Variants in LGR6 observed in about 807,000 individuals in gnomAD.
LGR6 encodes leucine rich repeat containing G protein-coupled receptor 6.
LGR6 carries 45 observed loss-of-function variants against 69.4 expected under a neutral mutation model. The ratio of observed to expected loss-of-function variants is 0.65; its 90% confidence interval spans 0.51 to 0.83. The LOEUF is 0.83. LGR6 is among the 40% of genes least tolerant of loss of function. The probability of loss-of-function intolerance (pLI) is 0.00; values close to 1 mark genes in which losing one functional copy is unlikely to be tolerated. For synonymous variants in LGR6, 538 were observed against 555.0 expected (o/e 0.97, Z 0.43); for missense variants, 1,108 against 1,246.7 (o/e 0.89, Z 1.68).
chr1:202,211,212 G>T (rs752116130), intron 1 of LGR6, among the ~76,000 whole-genome samples: 5 of 152,152 alleles, frequency 3.3e-5, no homozygotes, highest in Non-Finnish European at 7.3e-5. Flanking sequence ...AAAGTGCTGG[G>T]GATACACAGA....
At chr1:202,264,628 C>T (rs948382482) in intron 4 of LGR6, among the ~76,000 whole-genome samples, 9 of 152,152 alleles carry the variant, frequency 5.9e-5, no homozygotes, top group Admixed American at 1.3e-4. Context: ...CCCCAGGATT[C>T]CGGGATTGTC....
chr1:202,317,308 G>C (rs548974761), intron 17 of LGR6, among the ~76,000 whole-genome samples: 1 of 151,366 alleles, frequency 6.6e-6, no homozygotes, highest in South Asian at 2.1e-4. Flanking sequence ...GGTTTGTACT[G>C]TATTAATTTG....
chr1:202,231,683 C>T lies in LGR6; in HGVS notation c.356+3676C>T, dbSNP rs576731144. On this transcript the variant is annotated intron_variant, in intron 3 of 17. Coordinates refer to ENST00000367278, the MANE Select transcript of LGR6 (RefSeq NM_001017403.2). ...AAACAGATTCTTTGTAGTTCATACACATGATGATCGGTGTTCACACTCATA... is the reference window on the plus strand; with the variant it reads ...AAACAGATTCTTTGTAGTTCATACATATGATGATCGGTGTTCACACTCATA... 9.3e-4 allele frequency among the ~76,000 whole-genome samples: 142 copies of T among 152,360 alleles called. 1 individual carries two copies. The highest frequency in any genetic ancestry group is 2.8e-3 in the African/African-American group (116 of 41,584).
At chr1:202,315,410 C>A (rs1039398721) in intron 17 of LGR6, among the ~76,000 whole-genome samples, 2 of 152,196 alleles carry the variant, frequency 1.3e-5, no homozygotes, top group Non-Finnish European at 2.9e-5. Context: ...CTTATAGTTG[C>A]GGAAGCCTCC....
intron 1 of LGR6, among the ~76,000 whole-genome samples, chr1:202,198,473 T>A (rs1658718631): frequency 6.6e-6 from 1 of 152,084 alleles, no homozygotes; most frequent in Admixed American, 6.5e-5. Context: ...GTTATTAGGG[T>A]GACCAGGGCC....
At chr1:202,244,805 C>T (rs1297193533) in intron 4 of LGR6, among the ~76,000 whole-genome samples, 1 of 152,118 alleles carries the variant, frequency 6.6e-6, no homozygotes, top group Non-Finnish European at 1.5e-5. Flanking sequence ...GGGCCTGGAC[C>T]CTGTGAGAGA....
In LGR6 at chr1:202,316,885, G is replaced by C. The variant is rs148890151; in HGVS notation, c.1649-1067G>C. Among the ~76,000 whole-genome samples the C allele has an allele frequency of 1.7e-3, 262 of 152,286 alleles. 1 individual carries two copies. The highest frequency in any genetic ancestry group is 2.6e-3 in the Non-Finnish European group (174 of 68,020). On this transcript the variant is annotated intron_variant, in intron 17 of 17. Coordinates refer to ENST00000367278, the MANE Select transcript of LGR6 (RefSeq NM_001017403.2). ...AGGTGATTTAGGAACAGACTTTGGA[G>C]AGAGGGATGGAAAACACCAGGATCT...
intron 5 of LGR6, among the ~76,000 whole-genome samples, chr1:202,279,643 T>C (rs1481871738): frequency 1.3e-5 from 2 of 152,248 alleles, no homozygotes. Flanking sequence ...TTTGAATACA[T>C]CTTCAGTCTC....
At chr1:202,288,322 C>T (rs788642) in intron 6 of LGR6, among the ~76,000 whole-genome samples, 73,508 of 151,982 alleles carry the variant, frequency 0.48, 18,709 homozygotes, top group East Asian at 0.7. Context: ...TAGCATGCAC[C>T]GCAATCTGAT....
In LGR6 at chr1:202,285,650, A is replaced by G. The variant is rs923654734; in HGVS notation, c.716+4798A>G. On this transcript the variant is annotated intron_variant, in intron 6 of 17. Transcript: ENST00000367278. Reference sequence around the variant, plus strand: ...TTTAATGTTGGATGGAATGTGTCCTAAGGTGGCCGGGAGGATGTTACCCAG... The same window carrying G: ...TTTAATGTTGGATGGAATGTGTCCTGAGGTGGCCGGGAGGATGTTACCCAG... Among the ~76,000 whole-genome samples the G allele has an allele frequency of 4.6e-5, 7 of 152,120 alleles. No homozygotes were observed. In the South Asian group the frequency reaches 1.5e-3, roughly 32 times the overall value.
chr1:202,193,930 G>A lies in LGR6; in HGVS notation c.-60G>A, dbSNP rs1658529941. On this transcript the variant is annotated 5_prime_UTR_variant, in exon 1 of 18. Transcript: ENST00000367278. ...GCCGGGACCGGGAGGAAGCAGCTGC[G>A]GCCATCGCGCCGTGCGTCCGCGCCC... 4.5e-6 allele frequency: 5 copies of A among 1,101,026 alleles called. No individual in the cohort carries two copies. The East Asian group carries it at 1.9e-4, about 42-fold the overall frequency. 68.2% of individuals were successfully genotyped at this position (1,101,026 alleles called of 1,614,324 possible). A position where few individuals can be genotyped will look rare whatever the true frequency, so the allele number is the denominator to read the frequency against.
At chr1:202,264,518 A>C (rs896161161) in intron 4 of LGR6, among the ~76,000 whole-genome samples, 1 of 152,180 alleles carries the variant, frequency 6.6e-6, no homozygotes, top group African/African-American at 2.4e-5. Flanking sequence ...TCCCAAGCAC[A>C]TCTCAGACAG....
chr1:202,215,343 G>T (rs1659706105), intron 1 of LGR6, among the ~76,000 whole-genome samples: 2 of 152,126 alleles, frequency 1.3e-5, no homozygotes, highest in South Asian at 4.2e-4. Context: ...GGTGGCCCTG[G>T]CTGGGAGCTC....
chr1:202,288,137 C>T (rs999048024), intron 6 of LGR6, among the ~76,000 whole-genome samples: 4 of 152,320 alleles, frequency 2.6e-5, no homozygotes, highest in African/African-American at 7.2e-5. Context: ...ACTTTTGTTC[C>T]TGCATCAAGC....
At chr1:202,217,071 C>T (rs1258805642) in intron 1 of LGR6, among the ~76,000 whole-genome samples, 2 of 152,336 alleles carry the variant, frequency 1.3e-5, no homozygotes, top group South Asian at 2.1e-4. Context: ...CCTCAGCCTG[C>T]GATGGGCCTA....
intron 7 of LGR6, 78 bp downstream of exon 7, chr1:202,297,654 G>A (rs1571989632): frequency 1.8e-6 from 2 of 1,134,466 alleles, no homozygotes; most frequent in East Asian, 4.7e-5. Context: ...GCTGCCTCAT[G>A]CTCTTACCTC....
At chr1:202,274,929 T>G (rs3010082) in intron 4 of LGR6, among the ~76,000 whole-genome samples, 88,374 of 152,054 alleles carry the variant, frequency 0.58, 27,073 homozygotes, top group East Asian at 0.82. Flanking sequence ...ACCCAAGACT[T>G]CAGTGTTGGC....
intron 1 of LGR6, chr1:202,214,349 C>A: frequency 9.2e-7 from 1 of 1,083,650 alleles, no homozygotes; most frequent in Non-Finnish European, 1.3e-6. Flanking sequence ...CCGGGCCGGC[C>A]CTAATCCCCT....
intron 16 of LGR6, among the ~76,000 whole-genome samples, chr1:202,311,973 C>G (rs1255176413): frequency 6.6e-6 from 1 of 152,206 alleles, no homozygotes; most frequent in Non-Finnish European, 1.5e-5. Context: ...TCTGGGCCAG[C>G]AGACAGCTGT....
Sources: allele counts gnomAD v4.1 joint callset (sites outside exome capture counted in the v4.1 genomes callset), GRCh38; gene constraint gnomAD v4.1.1; transcripts MANE v1.5; gene names NCBI Gene and HGNC (gene_info 2026-07-23, HGNC 2026-07-21).